ZBTB44: variants seen among roughly 807,000 people sequenced by gnomAD.
ZBTB44 encodes zinc finger and BTB domain-containing protein 44.
In ZBTB44, 15 loss-of-function variants were observed where a neutral mutation model predicts 54.0. That is an observed-to-expected ratio of 0.28 (90% CI 0.19 to 0.43). The LOEUF (loss-of-function observed/expected upper bound fraction) is 0.43, where lower values mean the gene tolerates loss of function less well. Among genes scored for constraint, ZBTB44 ranks in the 20% least tolerant of loss-of-function variants. The pLI is 1.00. For missense variants in ZBTB44, 487 were observed against 707.1 expected (o/e 0.69, Z 3.53); for synonymous variants, 230 against 250.1 (o/e 0.92, Z 0.76).
chr11:130,251,440 A>G (rs1937993627), intron 2 of ZBTB44, among the ~76,000 whole-genome samples: 1 of 152,228 alleles, frequency 6.6e-6, no homozygotes, highest in Admixed American at 6.5e-5. Flanking sequence ...CAGGAAATAC[A>G]GAGAACATCA....
intron 1 of ZBTB44, among the ~76,000 whole-genome samples, chr11:130,273,378 C>T (rs781621265): frequency 8.2e-5 from 12 of 146,796 alleles, no homozygotes; most frequent in Non-Finnish European, 1.5e-4. Flanking sequence ...GGTATGATCA[C>T]GGCTCACTGA....
chr11:130,307,847 T>C (rs1377351077), intron 1 of ZBTB44, among the ~76,000 whole-genome samples: 1 of 152,144 alleles, frequency 6.6e-6, no homozygotes, highest in Non-Finnish European at 1.5e-5. Flanking sequence ...TGTCTCAGCC[T>C]CCCAAGTAGC....
chr11:130,293,622 G>GAA (rs771432644), intron 1 of ZBTB44, among the ~76,000 whole-genome samples: 1,568 of 100,044 alleles, frequency 0.016, 33 homozygotes, highest in African/African-American at 0.05. Context: ...TCTACTTAAA[G>GAA]AAAAAAAAAA....
chr11:130,236,592 A>G (rs889225671), intron 5 of ZBTB44: 3 of 463,012 alleles, frequency 6.5e-6, no homozygotes, highest in Non-Finnish European at 1.1e-5. Flanking sequence ...CCAACTATAA[A>G]ATGTTTATAA....
intron 2 of ZBTB44, among the ~76,000 whole-genome samples, chr11:130,253,779 A>T (rs550370187): frequency 6.6e-6 from 1 of 152,188 alleles, no homozygotes; most frequent in Non-Finnish European, 1.5e-5. Flanking sequence ...CTAAGCCAAA[A>T]GAATAAAGCT....
rs1343310438 is a variant in ZBTB44, at chr11:130,314,851, G to C, written c.-533C>G. On this transcript the variant is annotated 5_prime_UTR_variant, in exon 1 of 8. Transcript: ENST00000357899. ...AGCCGCCGCCGCGCGCGTGCGGCCGGCGCCGCCGCCGTTGCCGCTCCGCTC... is the reference window on the plus strand; with the variant it reads ...AGCCGCCGCCGCGCGCGTGCGGCCGCCGCCGCCGCCGTTGCCGCTCCGCTC... 6.6e-6 allele frequency: 1 copy of C among 150,960 alleles called. No individual in the cohort carries two copies. The highest frequency in any genetic ancestry group is 2.0e-4 in the East Asian group (1 of 5,058). 9.4% of individuals were successfully genotyped at this position (150,960 alleles called of 1,614,324 possible).
At chr11:130,290,186 G>A (rs190814873) in intron 1 of ZBTB44, among the ~76,000 whole-genome samples, 28 of 152,248 alleles carry the variant, frequency 1.8e-4, no homozygotes, top group Admixed American at 1.8e-3. Flanking sequence ...AGAGGAGGTG[G>A]TGTAGCAACG....
intron 2 of ZBTB44, among the ~76,000 whole-genome samples, chr11:130,244,523 C>T (rs982571696): frequency 2.6e-5 from 4 of 151,748 alleles, no homozygotes; most frequent in Non-Finnish European, 4.4e-5. Flanking sequence ...AAAAATTAGC[C>T]GGGCGTGGTG....
chr11:130,296,129 T>G, intron 1 of ZBTB44: 1 of 1,490,562 alleles, frequency 6.7e-7, no homozygotes, highest in African/African-American at 1.4e-5. Flanking sequence ...AGACAGACTA[T>G]GCTCTTTTCT....
At chr11:130,284,532 G>A (rs981998046) in intron 1 of ZBTB44, among the ~76,000 whole-genome samples, 3 of 152,118 alleles carry the variant, frequency 2.0e-5, no homozygotes, top group Admixed American at 6.6e-5. Flanking sequence ...GCTAGGGATG[G>A]AGCACAGATG....
chr11:130,234,880 G>A (rs1346623980), intron 5 of ZBTB44, among the ~76,000 whole-genome samples: 4 of 152,142 alleles, frequency 2.6e-5, no homozygotes, highest in African/African-American at 9.7e-5. Flanking sequence ...TCCTCAAAAC[G>A]TGTTCAATTA....
intron 1 of ZBTB44, chr11:130,310,288 G>C (rs1942513385): frequency 6.6e-6 from 1 of 152,216 alleles, no homozygotes; most frequent in South Asian, 2.1e-4. Context: ...CCGATTGGGT[G>C]TCTGCACTAA....
intron 4 of ZBTB44, 77 bp from the exon 5 acceptor site, chr11:130,237,170 A>G (rs1250218409): frequency 1.1e-5 from 14 of 1,321,374 alleles, no homozygotes; most frequent in African/African-American, 1.5e-5. Context: ...TTTCTGAACT[A>G]TATTTCTGTA....
chr11:130,240,024 C>G, intron 2 of ZBTB44, 128 bp from the exon 3 acceptor site: 1 of 591,944 alleles, frequency 1.7e-6, no homozygotes, highest in East Asian at 3.3e-5. Context: ...AATTATTAAT[C>G]CAAAGTAGTG....
At position 130,285,183 on chromosome 11, in the gene ZBTB44, TA is replaced by T. The variant is rs1175719982; in HGVS notation, c.-56-23255del. The T allele has an allele frequency of 7.7e-5, 13 of 169,056 alleles. No individual in the cohort carries two copies. In the Admixed American group the frequency reaches 8.5e-4, roughly 11 times the overall value. 10.5% of individuals were successfully genotyped at this position (169,056 alleles called of 1,614,324 possible). A position where few individuals can be genotyped will look rare whatever the true frequency, so the allele number is the denominator to read the frequency against. On this transcript the variant is annotated intron_variant, in intron 1 of 7. Coordinates refer to ENST00000357899, the MANE Select transcript of ZBTB44 (RefSeq NM_001301098.2). Reference sequence around the variant, plus strand: ...GCCAAGAGTTCCTCACTAGTCTCTTTACTAAGGAGTTTTTGGTTTTCATAAA... The same window carrying T: ...GCCAAGAGTTCCTCACTAGTCTCTTTCTAAGGAGTTTTTGGTTTTCATAAA...
chr11:130,307,729 GC>G (rs1942358062), intron 1 of ZBTB44, among the ~76,000 whole-genome samples: 1 of 152,106 alleles, frequency 6.6e-6, no homozygotes, highest in African/African-American at 2.4e-5. Context: ...TGCAATCTGG[GC>G]TCACTGCTGG....
intron 1 of ZBTB44, among the ~76,000 whole-genome samples, chr11:130,281,662 T>A (rs1220137605): frequency 6.6e-6 from 1 of 151,948 alleles, no homozygotes; most frequent in Non-Finnish European, 1.5e-5. Context: ...TGGTGTGATA[T>A]CGGCTCACTG....
chr11:130,307,354 GATGA>G (rs1565341103), intron 1 of ZBTB44, among the ~76,000 whole-genome samples: 1 of 151,718 alleles, frequency 6.6e-6, no homozygotes, highest in Non-Finnish European at 1.5e-5. Context: ...GAACCCAGGG[GATGA>G]AGCTTGCAGT....
At chr11:130,263,520 T>C (rs552372899) in intron 1 of ZBTB44, among the ~76,000 whole-genome samples, 1 of 152,308 alleles carries the variant, frequency 6.6e-6, no homozygotes, top group East Asian at 1.9e-4. Context: ...GAATTAGTTA[T>C]AATCCAGGGA....
Sources: allele counts gnomAD v4.1 joint callset (sites outside exome capture counted in the v4.1 genomes callset), GRCh38; gene constraint gnomAD v4.1.1; transcripts MANE v1.5; gene names NCBI Gene and HGNC (gene_info 2026-07-23, HGNC 2026-07-21).